The following ULK4 variants were observed in gnomAD, a reference collection of about 807,000 sequenced individuals.
ULK4 encodes the protein unc-51 like kinase 4.
Under a neutral mutation model 160.6 loss-of-function variants are expected in ULK4, and 133 were observed. That is an observed-to-expected ratio of 0.83 (90% CI 0.72 to 0.96). ULK4 has a LOEUF of 0.96. Among genes scored for constraint, ULK4 ranks in the 40% least tolerant of loss-of-function variants. The pLI is 0.00. For missense variants in ULK4, 1,580 were observed against 1,499.5 expected (o/e 1.05, Z -0.89); for synonymous variants, 534 against 539.8 (o/e 0.99, Z 0.15).
rs376956254 is a variant in ULK4, at chr3:41,754,411, T to C, written c.2271A>G (p.Leu757=). Reference sequence around the variant, plus strand: ...TCTCACGGTTATAAATCAAAATATATAGAAGAACCAGGAAGGCTTTTGCTC... The same window carrying C: ...TCTCACGGTTATAAATCAAAATATACAGAAGAACCAGGAAGGCTTTTGCTC... ...CIRAKAFLVL[L]YILIYNREML... Residue 757 remains leucine (L), a synonymous_variant, in exon 22 of 37, where the codon CTA becomes CTG. Transcript: ENST00000301831. The C allele has an allele frequency of 2.2e-5, 35 of 1,613,532 alleles. No homozygotes were observed. The African/African-American group carries it at 3.2e-4, about 15-fold the overall frequency.
At chr3:41,732,826 T>C (rs1342485599) in intron 22 of ULK4, among the ~76,000 whole-genome samples, 1 of 152,092 alleles carries the variant, frequency 6.6e-6, no homozygotes, top group Non-Finnish European at 1.5e-5. Flanking sequence ...TGCAATAACA[T>C]GAATAGAACT....
chr3:41,690,322 A>G (rs1252063526), intron 27 of ULK4, among the ~76,000 whole-genome samples: 7 of 151,536 alleles, frequency 4.6e-5, no homozygotes, highest in East Asian at 1.9e-4. Context: ...GGATAGCTTT[A>G]GGAGATATAC....
intron 22 of ULK4, among the ~76,000 whole-genome samples, chr3:41,726,297 T>C (rs1196603739): frequency 6.6e-6 from 1 of 152,154 alleles, no homozygotes; most frequent in Non-Finnish European, 1.5e-5. Flanking sequence ...TAAAACTAAC[T>C]CTAGAATGAT....
chr3:41,716,888 C>CA (rs1256963486), intron 23 of ULK4, among the ~76,000 whole-genome samples: 8 of 152,114 alleles, frequency 5.3e-5, no homozygotes, highest in Admixed American at 3.9e-4. Context: ...AAGAAAGTTT[C>CA]AAACTTTGAA....
At chr3:41,957,939 G>A (rs949385899) in intron 1 of ULK4, among the ~76,000 whole-genome samples, 2 of 151,602 alleles carry the variant, frequency 1.3e-5, no homozygotes, top group African/African-American at 4.9e-5. Flanking sequence ...AGCTACTTGG[G>A]AGACTGAGGC....
Position 41,758,668 on chromosome 3 carries a change from G to A in ULK4, c.2194-4180C>T, listed in dbSNP as rs539759449. Among the ~76,000 whole-genome samples the A allele has an allele frequency of 1.3e-4, 20 of 152,094 alleles. 1 individual carries two copies. In the South Asian group the frequency reaches 3.1e-3, roughly 24 times the overall value. ...TGGGAGGCCGAAGCGGGTGGATCAC[G>A]AGGTCAGGAGATCAAGATCACAGTG... On this transcript the variant is annotated intron_variant, in intron 21 of 36. Coordinates refer to ENST00000301831, the MANE Select transcript of ULK4 (RefSeq NM_017886.4).
At chr3:41,856,583 A>ATG (rs1270286751) in intron 17 of ULK4, among the ~76,000 whole-genome samples, 2 of 77,090 alleles carry the variant, frequency 2.6e-5, no homozygotes, top group Non-Finnish European at 4.7e-5. Context: ...ATGTGTATAT[A>ATG]TATACACATA....
At chr3:41,682,965 A>T (rs1160275472) in intron 27 of ULK4, among the ~76,000 whole-genome samples, 1 of 152,206 alleles carries the variant, frequency 6.6e-6, no homozygotes, top group Non-Finnish European at 1.5e-5. Flanking sequence ...AAAAACGAAT[A>T]AACATGGCCA....
Position 41,912,029 on chromosome 3 carries a change from A to G in ULK4, c.897-370T>C, listed in dbSNP as rs182223667. 3.3e-5 allele frequency among the ~76,000 whole-genome samples: 5 copies of G among 151,936 alleles called. No individual in the cohort carries two copies. In the East Asian group the frequency reaches 9.7e-4, roughly 29 times the overall value. ...CAATTTTTTTTAATTTAAAAAAAAA[A>G]AAGATCCAGGCTGACAGACCAGGCA... On this transcript the variant is annotated intron_variant, in intron 9 of 36. Coordinates refer to ENST00000301831, the MANE Select transcript of ULK4 (RefSeq NM_017886.4).
intron 34 of ULK4, among the ~76,000 whole-genome samples, chr3:41,444,426 T>C (rs1488231850): frequency 6.6e-6 from 1 of 151,934 alleles, no homozygotes; most frequent in Non-Finnish European, 1.5e-5. Flanking sequence ...ATACTATGTC[T>C]CATAATGAAT....
At chr3:41,424,217 C>T (rs1367493777) in intron 34 of ULK4, among the ~76,000 whole-genome samples, 1 of 152,128 alleles carries the variant, frequency 6.6e-6, no homozygotes, top group Non-Finnish European at 1.5e-5. Flanking sequence ...CAGTGCCTCC[C>T]TGCAGCAATT....
chr3:41,881,853 C>T (rs1697534083), intron 17 of ULK4, among the ~76,000 whole-genome samples: 1 of 152,170 alleles, frequency 6.6e-6, no homozygotes, highest in Admixed American at 6.5e-5. Context: ...ACCAGGAATA[C>T]AATGTCAACA....
At chr3:41,806,228 G>C (rs992067880) in intron 19 of ULK4, among the ~76,000 whole-genome samples, 16 of 149,078 alleles carry the variant, frequency 1.1e-4, no homozygotes, top group African/African-American at 1.5e-4. Flanking sequence ...TGTATGTGTC[G>C]AGGAATTTAT....
intron 31 of ULK4, among the ~76,000 whole-genome samples, chr3:41,577,814 G>T (rs1200812475): frequency 6.6e-6 from 1 of 152,058 alleles, no homozygotes; most frequent in African/African-American, 2.4e-5. Context: ...ATCACATCAG[G>T]GCTTATAGAG....
chr3:41,526,994 A>G (rs1375582105), intron 32 of ULK4, among the ~76,000 whole-genome samples: 6 of 152,216 alleles, frequency 3.9e-5, no homozygotes, highest in African/African-American at 1.4e-4. Flanking sequence ...AGCTACCAGA[A>G]TAGTAGTGAA....
chr3:41,348,409 A>T (rs1028994725), intron 35 of ULK4, among the ~76,000 whole-genome samples: 2 of 152,048 alleles, frequency 1.3e-5, no homozygotes, highest in Non-Finnish European at 2.9e-5. Context: ...CACCAAGTGC[A>T]GGGTTTGTGC....
chr3:41,336,671 T>C (rs1178451135), intron 35 of ULK4, among the ~76,000 whole-genome samples: 1 of 152,184 alleles, frequency 6.6e-6, no homozygotes, highest in Non-Finnish European at 1.5e-5. Flanking sequence ...GGTGTGTGTC[T>C]TTGGCCATAC....
At chr3:41,440,412 A>C (rs2083137420) in intron 34 of ULK4, among the ~76,000 whole-genome samples, 1 of 152,192 alleles carries the variant, frequency 6.6e-6, no homozygotes, top group African/African-American at 2.4e-5. Context: ...TCTCTATTGA[A>C]ACAATGAAAT....
chr3:41,259,830 A>T (rs897005450), intron 35 of ULK4: 16 of 152,144 alleles, frequency 1.1e-4, no homozygotes, highest in African/African-American at 3.9e-4. Context: ...AGTCCAGTTA[A>T]CTTTTGCTTT....
Sources: allele counts gnomAD v4.1 joint callset (sites outside exome capture counted in the v4.1 genomes callset), GRCh38; gene constraint gnomAD v4.1.1; transcripts MANE v1.5; gene names NCBI Gene and HGNC (gene_info 2026-07-23, HGNC 2026-07-21).